Variants in FAM227B observed in about 807,000 individuals in gnomAD.
FAM227B encodes the protein protein FAM227B.
Under a neutral mutation model 73.8 loss-of-function variants are expected in FAM227B, and 88 were observed. The ratio of observed to expected loss-of-function variants is 1.19; its 90% CI spans 1.00 to 1.42. The LOEUF (loss-of-function observed/expected upper bound fraction) is 1.42, where lower values mean the gene tolerates loss of function less well. FAM227B is among the 40% of genes most tolerant of loss of function. FAM227B has a pLI of 0.00. For synonymous variants in FAM227B, 210 were observed against 190.5 expected (o/e 1.10, Z -0.84); for missense variants, 632 against 590.9 (o/e 1.07, Z -0.72).
intron 13 of FAM227B, among the ~76,000 whole-genome samples, chr15:49,361,931 A>T (rs1333440495): frequency 6.6e-6 from 1 of 152,088 alleles, no homozygotes; most frequent in Non-Finnish European, 1.5e-5. Flanking sequence ...TTTCCATAGT[A>T]GCCATTCTAA....
At chr15:49,575,161 A>C in intron 7 of FAM227B, 52 bp from the exon 8 acceptor site, 1 of 987,138 alleles carries the variant, frequency 1.0e-6, no homozygotes, top group Non-Finnish European at 1.6e-6. Context: ...ATATTACAAA[A>C]CATGTTAATG....
At chr15:49,424,872 T>A (rs1188019451) in intron 11 of FAM227B, 1 of 204,564 alleles carries the variant, frequency 4.9e-6, no homozygotes, top group Non-Finnish European at 9.8e-6. Flanking sequence ...ATAATATTAT[T>A]CACACCAAAA....
intron 11 of FAM227B, among the ~76,000 whole-genome samples, chr15:49,372,217 C>A (rs1017700507): frequency 7.0e-6 from 1 of 142,544 alleles, no homozygotes; most frequent in East Asian, 2.1e-4. Flanking sequence ...ATAAAATTCA[C>A]TTATAAATAA....
At chr15:49,396,960 G>A (rs532313337) in intron 11 of FAM227B, among the ~76,000 whole-genome samples, 9 of 152,334 alleles carry the variant, frequency 5.9e-5, no homozygotes, top group Admixed American at 6.5e-5. Context: ...TCAAAGGAAC[G>A]CAGTTCCCCA....
chr15:49,539,223 C>A (rs967607609), intron 10 of FAM227B, among the ~76,000 whole-genome samples: 1 of 152,176 alleles, frequency 6.6e-6, no homozygotes, highest in African/African-American at 2.4e-5. Context: ...CTGAAAATTG[C>A]AGCATCCTCA....
At chr15:49,506,487 C>A (rs149047208) in intron 11 of FAM227B, among the ~76,000 whole-genome samples, 1 of 151,848 alleles carries the variant, frequency 6.6e-6, no homozygotes, top group Admixed American at 6.6e-5. Flanking sequence ...TTTTTAACTG[C>A]AGATATACAT....
intron 11 of FAM227B, among the ~76,000 whole-genome samples, chr15:49,478,216 G>A (rs763993879): frequency 1.4e-4 from 22 of 152,192 alleles, no homozygotes; most frequent in African/African-American, 7.2e-5. Flanking sequence ...AATGGCCTCC[G>A]GCTGCATCCA....
chr15:49,610,545 A>G (rs1327400687), intron 3 of FAM227B, among the ~76,000 whole-genome samples: 1 of 152,110 alleles, frequency 6.6e-6, no homozygotes, highest in African/African-American at 2.4e-5. Context: ...TTTACATTTA[A>G]GCATAAATAA....
At chr15:49,585,739 G>T (rs1318632833) in intron 5 of FAM227B, among the ~76,000 whole-genome samples, 2 of 152,070 alleles carry the variant, frequency 1.3e-5, no homozygotes, top group East Asian at 3.9e-4. Context: ...TATACCTAAT[G>T]CTAAATGACG....
intron 9 of FAM227B, among the ~76,000 whole-genome samples, chr15:49,566,146 A>G (rs917305817): frequency 3.3e-5 from 5 of 152,226 alleles, no homozygotes; most frequent in African/African-American, 9.6e-5. Flanking sequence ...TTAGTGCTCA[A>G]ATTTGCTGGT....
Position 49,576,995 on chromosome 15 carries a change from C to T in FAM227B, c.442-150G>A. On this transcript the variant is annotated intron_variant, in intron 6 of 15. Transcript: ENST00000299338. ...ACTAAATTAACTAAAAATTATATAA[C>T]CCATCTAAGAAAAACCTTTGGCCGT... The T allele has an allele frequency of 6.9e-6, 4 of 580,016 alleles. No individual in the cohort carries two copies. The South Asian group carries it at 9.3e-5, about 13-fold the overall frequency. The allele number at this position is 580,016 out of a possible 1,614,324, so 35.9% of individuals were successfully genotyped here. A position where few individuals can be genotyped will look rare whatever the true frequency, so the allele number is the denominator to read the frequency against.
chr15:49,383,104 T>G (rs969968589), intron 11 of FAM227B, among the ~76,000 whole-genome samples: 5 of 152,052 alleles, frequency 3.3e-5, no homozygotes, highest in Admixed American at 2.6e-4. Flanking sequence ...AATAAACAGT[T>G]GATGGATTGG....
At chr15:49,545,944 ATTT>A (rs149465916) in intron 9 of FAM227B, among the ~76,000 whole-genome samples, 4 of 125,106 alleles carry the variant, frequency 3.2e-5, no homozygotes, top group Admixed American at 8.1e-5. Context: ...AGGAGTAGCT[ATTT>A]TTTTTTTTTT....
chr15:49,554,206 T>A (rs773680288), intron 9 of FAM227B, among the ~76,000 whole-genome samples: 1 of 152,078 alleles, frequency 6.6e-6, no homozygotes, highest in Non-Finnish European at 1.5e-5. Context: ...TCCCTCTCCT[T>A]TCCTCTAGCA....
chr15:49,336,822 G>A (rs1340257152), intron 13 of FAM227B, among the ~76,000 whole-genome samples: 1 of 152,158 alleles, frequency 6.6e-6, no homozygotes, highest in Non-Finnish European at 1.5e-5. Flanking sequence ...AGTGAGCACA[G>A]AACATGATAG....
intron 10 of FAM227B, among the ~76,000 whole-genome samples, chr15:49,532,023 C>T (rs62010018): frequency 0.33 from 48,232 of 148,288 alleles, 8,076 homozygotes; most frequent in Middle Eastern, 0.46. Context: ...ATATAATATA[C>T]GTAATATTAT....
At chr15:49,338,692 G>A (rs2040198075) in intron 13 of FAM227B, among the ~76,000 whole-genome samples, 1 of 152,160 alleles carries the variant, frequency 6.6e-6, no homozygotes, top group South Asian at 2.1e-4. Flanking sequence ...GGTTGGGGAA[G>A]TTCTCCTGGA....
At chr15:49,362,909 CT>C (rs1184307651) in intron 13 of FAM227B, among the ~76,000 whole-genome samples, 3 of 151,978 alleles carry the variant, frequency 2.0e-5, no homozygotes, top group African/African-American at 7.2e-5. Context: ...GTTTTGTCAA[CT>C]TTGTCAAAGG....
In FAM227B at chr15:49,335,458, G is replaced by C. The variant is rs1489339237; in HGVS notation, c.1310C>G (p.Ala437Gly). Residue 437 changes from alanine to glycine, a missense_variant, in exon 14 of 16, where the codon GCA (alanine) becomes GGA (glycine). Coordinates refer to ENST00000299338, the MANE Select transcript of FAM227B (RefSeq NM_152647.3). ...TTGGTTCCTTGCAAATTGTCTTTTT[G>C]CCTCCTTTATAACATCACGGTATGT... Reference protein sequence around the residue: ...APTYRDVIKEAKRQFARNQKD... With the variant: ...APTYRDVIKEGKRQFARNQKD... The C allele has an allele frequency of 2.5e-6, 4 of 1,613,184 alleles. No homozygotes were observed. The highest frequency in any genetic ancestry group is 3.4e-6 in the Non-Finnish European group (4 of 1,179,450).
Sources: allele counts gnomAD v4.1 joint callset (sites outside exome capture counted in the v4.1 genomes callset), GRCh38; gene constraint gnomAD v4.1.1; transcripts MANE v1.5; gene names NCBI Gene and HGNC (gene_info 2026-07-23, HGNC 2026-07-21).